The following CDYL2 variants were observed in gnomAD, a reference collection of about 807,000 sequenced individuals.
CDYL2 encodes chromodomain Y like 2, also known as chromodomain Y-like protein 2.
A neutral mutation model predicts 49.4 loss-of-function variants in CDYL2; 23 were observed. That is an observed-to-expected ratio of 0.47 (90% CI 0.34 to 0.66). CDYL2 has a LOEUF of 0.66. Among genes scored for constraint, CDYL2 ranks in the 30% least tolerant of loss-of-function variants. The pLI is 0.01. For missense variants in CDYL2, 678 were observed against 656.4 expected (o/e 1.03, Z -0.36); for synonymous variants, 360 against 268.8 (o/e 1.34, Z -3.32).
At chr16:80,622,431 C>A (rs532255190) in intron 3 of CDYL2, among the ~76,000 whole-genome samples, 23 of 152,160 alleles carry the variant, frequency 1.5e-4, no homozygotes, top group Non-Finnish European at 2.8e-4. Context: ...TTGCCCAGCA[C>A]CCCCATTTGT....
intron 1 of CDYL2, among the ~76,000 whole-genome samples, chr16:80,783,725 T>G (rs1403841092): frequency 2.0e-5 from 3 of 152,218 alleles, no homozygotes; most frequent in African/African-American, 7.2e-5. Context: ...TAATGCATGC[T>G]AAAACATGGC....
chr16:80,648,459 C>A (rs1485581352), intron 2 of CDYL2, among the ~76,000 whole-genome samples: 1 of 151,894 alleles, frequency 6.6e-6, no homozygotes, highest in Non-Finnish European at 1.5e-5. Context: ...CGAAGAAATC[C>A]AAAACCTGAA....
chr16:80,785,831 T>C (rs962582166), intron 1 of CDYL2, among the ~76,000 whole-genome samples: 7 of 152,178 alleles, frequency 4.6e-5, no homozygotes, highest in Admixed American at 2.0e-4. Flanking sequence ...CATCCGATCT[T>C]TGACCAACCC....
chr16:80,743,726 G>A (rs981263804), intron 1 of CDYL2, among the ~76,000 whole-genome samples: 1 of 151,958 alleles, frequency 6.6e-6, no homozygotes, highest in Non-Finnish European at 1.5e-5. Flanking sequence ...AGTCCATCAA[G>A]ATTTTCTATA....
At chr16:80,728,291 A>G (rs8053272) in intron 1 of CDYL2, among the ~76,000 whole-genome samples, 126,184 of 149,686 alleles carry the variant, frequency 0.84, 54,477 homozygotes, top group South Asian at 0.95. Flanking sequence ...CGAGAACTAC[A>G]TGAAGAATGC....
At chr16:80,690,147 A>G (rs1910357302) in intron 1 of CDYL2, among the ~76,000 whole-genome samples, 2 of 151,946 alleles carry the variant, frequency 1.3e-5, no homozygotes, top group African/African-American at 2.4e-5. Context: ...TAAAAAAATA[A>G]ATAGAAATAA....
chr16:80,727,992 G>A (rs908793539), intron 1 of CDYL2, among the ~76,000 whole-genome samples: 2 of 152,122 alleles, frequency 1.3e-5, no homozygotes, highest in African/African-American at 2.4e-5. Context: ...AAACCACAAA[G>A]GTGGGAAAAA....
chr16:80,692,821 T>C (rs1210837590), intron 1 of CDYL2, among the ~76,000 whole-genome samples: 3 of 152,222 alleles, frequency 2.0e-5, no homozygotes, highest in Non-Finnish European at 4.4e-5. Context: ...CATGTTTGTG[T>C]ATATTGACAA....
chr16:80,791,887 T>C (rs1293096582), intron 1 of CDYL2, among the ~76,000 whole-genome samples: 3 of 152,028 alleles, frequency 2.0e-5, no homozygotes, highest in African/African-American at 7.2e-5. Flanking sequence ...AAAATGGAAG[T>C]AGGAAGGGCT....
chr16:80,744,264 TC>T (rs1478535593), intron 1 of CDYL2, among the ~76,000 whole-genome samples: 2 of 152,244 alleles, frequency 1.3e-5, no homozygotes, highest in African/African-American at 4.8e-5. Context: ...ACTGCTGACA[TC>T]CTGCTCCCTA....
At chr16:80,611,918 G>A (rs914823124) in intron 5 of CDYL2, among the ~76,000 whole-genome samples, 1 of 152,226 alleles carries the variant, frequency 6.6e-6, no homozygotes, top group African/African-American at 2.4e-5. Flanking sequence ...CAGTGGCTCT[G>A]TCTGCCCCAC....
intron 1 of CDYL2, among the ~76,000 whole-genome samples, chr16:80,754,494 G>A (rs1906242429): frequency 6.6e-6 from 1 of 152,158 alleles, no homozygotes; most frequent in Non-Finnish European, 1.5e-5. Context: ...CAGAATCCGA[G>A]AACCGTCAGA....
chr16:80,625,213 T>C (rs1398506755), intron 3 of CDYL2, among the ~76,000 whole-genome samples: 2 of 152,236 alleles, frequency 1.3e-5, no homozygotes, highest in East Asian at 1.9e-4. Context: ...CATTCCTTTG[T>C]GGAGGCGCTA....
At chr16:80,648,103 C>A (rs1032511731) in intron 2 of CDYL2, among the ~76,000 whole-genome samples, 10 of 150,378 alleles carry the variant, frequency 6.6e-5, no homozygotes, top group Non-Finnish European at 1.2e-4. Context: ...TCTTAAAGAA[C>A]AAGAAAGCAA....
At chr16:80,767,779 T>C (rs1210893135) in intron 1 of CDYL2, among the ~76,000 whole-genome samples, 1 of 152,162 alleles carries the variant, frequency 6.6e-6, no homozygotes, top group Non-Finnish European at 1.5e-5. Flanking sequence ...ACTGGGTGCC[T>C]ACTATATGCC....
At chr16:80,691,448 T>C (rs1018763684) in intron 1 of CDYL2, among the ~76,000 whole-genome samples, 13 of 152,174 alleles carry the variant, frequency 8.5e-5, no homozygotes, top group Admixed American at 2.6e-4. Context: ...ACCAAGAAGT[T>C]TGGCTCAGAG....
intron 1 of CDYL2, among the ~76,000 whole-genome samples, chr16:80,733,129 T>C (rs1905390315): frequency 6.6e-6 from 1 of 152,170 alleles, no homozygotes; most frequent in Non-Finnish European, 1.5e-5. Flanking sequence ...ACAGCTGATG[T>C]CTCTTGTGGG....
chr16:80,628,112 T>C (rs1193708136), intron 3 of CDYL2: 2 of 152,240 alleles, frequency 1.3e-5, no homozygotes, highest in Non-Finnish European at 2.9e-5. Flanking sequence ...ACTAGATGCA[T>C]ACTCTCCCTT....
chr16:80,715,836 C>T (rs1194168738), intron 1 of CDYL2, among the ~76,000 whole-genome samples: 1 of 152,238 alleles, frequency 6.6e-6, no homozygotes, highest in African/African-American at 2.4e-5. Flanking sequence ...CAAACCTCAC[C>T]TCAGTGCCTG....
Sources: allele counts gnomAD v4.1 joint callset (sites outside exome capture counted in the v4.1 genomes callset), GRCh38; gene constraint gnomAD v4.1.1; transcripts MANE v1.5; gene names NCBI Gene and HGNC (gene_info 2026-07-23, HGNC 2026-07-21).